The following ANGEL1 variants were observed in gnomAD, a reference collection of about 807,000 sequenced individuals.
ANGEL1 encodes RNA 2',3'-cyclic phosphatase ANGEL1.
A neutral mutation model predicts 76.4 loss-of-function variants in ANGEL1; 62 were observed. The observed-to-expected ratio is 0.81, with a 90% CI of 0.66 to 1.00. The LOEUF is 1.00. Ranked by LOEUF, ANGEL1 falls within the 50% of genes least tolerant of loss-of-function variation. The pLI is 0.00. For missense variants in ANGEL1, 737 were observed against 836.7 expected (o/e 0.88, Z 1.47); for synonymous variants, 340 against 331.7 (o/e 1.03, Z -0.27).
chr14:76,799,339 G>T (rs1894687553), intron 7 of ANGEL1, among the ~76,000 whole-genome samples: 1 of 119,578 alleles, frequency 8.4e-6, no homozygotes, highest in African/African-American at 3.1e-5. Flanking sequence ...TGTCGCCCAG[G>T]CTGGAGTACA....
intron 7 of ANGEL1, among the ~76,000 whole-genome samples, chr14:76,791,783 TA>T (rs1894413153): frequency 1.3e-5 from 2 of 152,170 alleles, no homozygotes; most frequent in Admixed American, 1.3e-4. Flanking sequence ...GACTTTCTAT[TA>T]CATACCATCC....
intron 1 of ANGEL1, chr14:76,812,476 A>G: frequency 1.7e-6 from 2 of 1,202,626 alleles, no homozygotes; most frequent in Non-Finnish European, 2.1e-6. Flanking sequence ...AGGGCCAGGA[A>G]AGGGCCCTGC....
rs191655026 is a variant in ANGEL1, at chr14:76,808,928, T to C, written c.649+131A>G. The C allele has an allele frequency of 2.8e-4, 246 of 870,880 alleles. 1 individual carries two copies. In the East Asian group the frequency reaches 4.1e-3, roughly 14 times the overall value. 53.9% of individuals were successfully genotyped at this position (870,880 alleles called of 1,614,324 possible). On this transcript the variant is annotated intron_variant, in intron 2 of 9. Transcript: ENST00000251089. ...CTGTAAGGACCCTCTAGATCTGACA[T>C]GCCAAGATTCTTAGAAAAATAGAAT...
rs937746695 is a variant in ANGEL1 at position 76,788,365 on chromosome 14, ACCCTAG to A, written c.*857_*862del. On this transcript the variant is annotated 3_prime_UTR_variant, in exon 10 of 10. Coordinates refer to ENST00000251089, the MANE Select transcript of ANGEL1 (RefSeq NM_015305.4). ...AAATAGTTTTAAACCTCATACCACT[ACCCTAG>A]CCCAATGAACCCCACATAAGGGTTC... 1 of 152,100 alleles carries A rather than the reference ACCCTAG, an allele frequency of 6.6e-6. No individual in the cohort carries two copies. The highest frequency in any genetic ancestry group is 2.4e-5 in the African/African-American group (1 of 41,402). 9.4% of individuals were successfully genotyped at this position (152,100 alleles called of 1,614,324 possible). A position where few individuals can be genotyped will look rare whatever the true frequency, so the allele number is the denominator to read the frequency against.
chr14:76,786,293 G>C lies in ANGEL1; in HGVS notation c.*2935C>G, dbSNP rs1027889362. 4 of 151,890 alleles carry C rather than the reference G, an allele frequency of 2.6e-5. No homozygotes were observed. Among genetic ancestry groups the C allele is most frequent in the African/African-American group, 7.3e-5 (3 of 41,264 alleles). The allele number at this position is 151,890 out of a possible 1,614,324, so 9.4% of individuals were successfully genotyped here. ...ATTCTCCTGCCTCAGCCTCCAAGTAGCTGGGATTACAGGCATGCGCCATCA... is the reference window on the plus strand; with the variant it reads ...ATTCTCCTGCCTCAGCCTCCAAGTACCTGGGATTACAGGCATGCGCCATCA... On this transcript the variant is annotated 3_prime_UTR_variant, in exon 10 of 10. Coordinates refer to ENST00000251089, the MANE Select transcript of ANGEL1 (RefSeq NM_015305.4).
intron 7 of ANGEL1, among the ~76,000 whole-genome samples, chr14:76,791,670 A>G (rs1398019570): frequency 6.6e-6 from 1 of 152,216 alleles, no homozygotes; most frequent in Non-Finnish European, 1.5e-5. Flanking sequence ...AAATGTAGCA[A>G]AAAGTATCAG....
In ANGEL1 at chr14:76,805,588, A is replaced by T. The variant is rs559312962; in HGVS notation, c.1380+828T>A. ...TTAAGTGACATAAAGAAATCAGCAC[A>T]AGCTGATAAAACTACGAGGTGTTTG... On this transcript the variant is annotated intron_variant, in intron 5 of 9. Transcript: ENST00000251089. 4.6e-5 allele frequency among the ~76,000 whole-genome samples: 7 copies of T among 152,384 alleles called. No homozygotes were observed. In the South Asian group the frequency reaches 1.0e-3, roughly 23 times the overall value.
intron 2 of ANGEL1, 35 bp downstream of exon 2, chr14:76,809,024 T>A: frequency 6.4e-7 from 1 of 1,570,658 alleles, no homozygotes; most frequent in Non-Finnish European, 8.7e-7. Context: ...AGACACCCTG[T>A]TCCCTTGGCT....
chr14:76,793,589 G>A (rs539100266), intron 7 of ANGEL1, among the ~76,000 whole-genome samples: 168 of 138,048 alleles, frequency 1.2e-3, no homozygotes, highest in African/African-American at 4.2e-3. Flanking sequence ...TTGCAGACAC[G>A]GATATGATGA....
chr14:76,803,269 C>G, intron 7 of ANGEL1, 102 bp downstream of exon 7: 1 of 924,804 alleles, frequency 1.1e-6, no homozygotes, highest in Non-Finnish European at 1.6e-6. Flanking sequence ...AGAAGCTAAT[C>G]TCTAAGAATT....
At chr14:76,804,374 C>A (rs1239002453) in intron 5 of ANGEL1, 3 of 1,031,096 alleles carry the variant, frequency 2.9e-6, no homozygotes, top group Non-Finnish European at 3.5e-6. Flanking sequence ...AAGCACTTTA[C>A]CGTATCTACG....
intron 5 of ANGEL1, among the ~76,000 whole-genome samples, 176 bp downstream of exon 5, chr14:76,806,240 A>T (rs1315029601): frequency 6.6e-6 from 1 of 152,242 alleles, no homozygotes; most frequent in African/African-American, 2.4e-5. Context: ...ATGCCGAAGT[A>T]CTCAAGAATT....
At chr14:76,805,626 AAC>A (rs2140227005) in intron 5 of ANGEL1, among the ~76,000 whole-genome samples, 1 of 152,394 alleles carries the variant, frequency 6.6e-6, no homozygotes, top group African/African-American at 2.4e-5. Context: ...ATCAACACTC[AAC>A]AGTTAGAAGG....
intron 7 of ANGEL1, among the ~76,000 whole-genome samples, chr14:76,800,273 T>A (rs1894722085): frequency 6.6e-6 from 1 of 152,248 alleles, no homozygotes; most frequent in Non-Finnish European, 1.5e-5. Context: ...CCTAAATCAC[T>A]GAGCTACGGC....
At chr14:76,811,696 C>A (rs1895091248) in intron 1 of ANGEL1, among the ~76,000 whole-genome samples, 1 of 152,164 alleles carries the variant, frequency 6.6e-6, no homozygotes, top group South Asian at 2.1e-4. Flanking sequence ...TCCCACATTC[C>A]TCAGAAGTAT....
In ANGEL1 at chr14:76,805,804, G is replaced by C. The variant is rs575321787; in HGVS notation, c.1380+612C>G. 8.5e-5 allele frequency among the ~76,000 whole-genome samples: 13 copies of C among 152,334 alleles called. No homozygotes were observed. In the South Asian group the frequency reaches 2.1e-3, roughly 24 times the overall value. Reference sequence around the variant, plus strand: ...AAGAGCTCTGCAGCCAGACCACCTGGTTACAAATCCTGGCTCCACCACTAA... The same window carrying C: ...AAGAGCTCTGCAGCCAGACCACCTGCTTACAAATCCTGGCTCCACCACTAA... On this transcript the variant is annotated intron_variant, in intron 5 of 9. Transcript: ENST00000251089.
rs537335713 is a variant in ANGEL1, at chr14:76,788,785, C to T, written c.*443G>A. ...CCCAAGAGGACACATACATGATATG[C>T]ATATCTCACATATGCATGCCTGGCA... On this transcript the variant is annotated 3_prime_UTR_variant, in exon 10 of 10. Coordinates refer to ENST00000251089, the MANE Select transcript of ANGEL1 (RefSeq NM_015305.4). The T allele has an allele frequency of 9.4e-4, 158 of 167,514 alleles. No homozygotes were observed. The highest frequency in any genetic ancestry group is 3.7e-3 in the African/African-American group (154 of 41,734). 10.4% of individuals were successfully genotyped at this position (167,514 alleles called of 1,614,324 possible).
intron 9 of ANGEL1, among the ~76,000 whole-genome samples, 192 bp downstream of exon 9, chr14:76,790,419 G>A (rs1243849150): frequency 2.6e-5 from 4 of 152,120 alleles, no homozygotes; most frequent in African/African-American, 2.4e-5. Context: ...ATGCTGCAAG[G>A]GTAAAAAGAG....
At chr14:76,791,980 A>G (rs1386798643) in intron 7 of ANGEL1, among the ~76,000 whole-genome samples, 1 of 152,224 alleles carries the variant, frequency 6.6e-6, no homozygotes, top group African/African-American at 2.4e-5. Flanking sequence ...CATTAACAGG[A>G]TAATAAGGAT....
Sources: allele counts gnomAD v4.1 joint callset (sites outside exome capture counted in the v4.1 genomes callset), GRCh38; gene constraint gnomAD v4.1.1; transcripts MANE v1.5; gene names NCBI Gene and HGNC (gene_info 2026-07-23, HGNC 2026-07-21).